The following TECRL variants were observed in gnomAD, a reference collection of about 807,000 sequenced individuals.
TECRL encodes trans-2,3-enoyl-CoA reductase-like.
Under a neutral mutation model 52.8 loss-of-function variants are expected in TECRL, and 63 were observed. The observed-to-expected ratio is 1.19, with a 90% CI of 0.97 to 1.47. The LOEUF is 1.47. TECRL is among the 40% of genes most tolerant of loss of function. The pLI is 0.00. For synonymous variants in TECRL, 164 were observed against 141.9 expected (o/e 1.16, Z -1.10); for missense variants, 482 against 429.6 (o/e 1.12, Z -1.08).
chr4:64,382,191 GTATATATATATA>G (rs200934355), intron 1 of TECRL, among the ~76,000 whole-genome samples: 737 of 13,284 alleles, frequency 0.055, 8 homozygotes, highest in Middle Eastern at 0.1. Flanking sequence ...GGAAATTTCT[GTATATATATATA>G]TATATATATA....
At chr4:64,292,269 C>G (rs1432315242) in intron 8 of TECRL, among the ~76,000 whole-genome samples, 1 of 151,914 alleles carries the variant, frequency 6.6e-6, no homozygotes, top group African/African-American at 2.4e-5. Flanking sequence ...ATTTGGCATA[C>G]AGTAAGTTTA....
rs1719174014 is a variant in TECRL at position 64,337,315 on chromosome 4, A to G, written c.287-8759T>C. Among the ~76,000 whole-genome samples, 4 of 152,300 alleles carry G rather than the reference A, an allele frequency of 2.6e-5. No homozygotes were observed. In the South Asian group the frequency reaches 8.3e-4, roughly 32 times the overall value. ...GCTATTTATGACAAACCCACAGCCA[A>G]TATCATACTAAATGGGCAAAAACTG... On this transcript the variant is annotated intron_variant, in intron 2 of 11. Transcript: ENST00000381210.
At chr4:64,291,233 T>G (rs2050337432) in intron 8 of TECRL, among the ~76,000 whole-genome samples, 1 of 152,070 alleles carries the variant, frequency 6.6e-6, no homozygotes, top group Non-Finnish European at 1.5e-5. Context: ...GCCTATTTGC[T>G]CAATAAAATT....
chr4:64,280,758 G>A (rs543107099), intron 11 of TECRL, among the ~76,000 whole-genome samples: 4 of 152,240 alleles, frequency 2.6e-5, no homozygotes, highest in Admixed American at 2.6e-4. Context: ...GAAGTTTCAA[G>A]CGAAATGCGT....
At chr4:64,377,570 A>G (rs1282737699) in intron 1 of TECRL, among the ~76,000 whole-genome samples, 1 of 152,086 alleles carries the variant, frequency 6.6e-6, no homozygotes, top group Non-Finnish European at 1.5e-5. Context: ...TATTCCCTTC[A>G]TTAATGTTTC....
intron 2 of TECRL, among the ~76,000 whole-genome samples, chr4:64,351,568 C>T (rs574977321): frequency 6.6e-6 from 1 of 152,146 alleles, no homozygotes; most frequent in Non-Finnish European, 1.5e-5. Flanking sequence ...TCACTGTGCC[C>T]AGCCAAAGGG....
chr4:64,363,746 G>C (rs2109625261), intron 2 of TECRL, among the ~76,000 whole-genome samples: 1 of 152,254 alleles, frequency 6.6e-6, no homozygotes, highest in Non-Finnish European at 1.5e-5. Flanking sequence ...TAAAGTGTGG[G>C]AGCTAAGAAT....
At chr4:64,388,668 C>A (rs1216935666) in intron 1 of TECRL, among the ~76,000 whole-genome samples, 3 of 151,838 alleles carry the variant, frequency 2.0e-5, no homozygotes, top group African/African-American at 7.2e-5. Context: ...TAAAGTATCT[C>A]TCCATATATT....
chr4:64,280,276 T>C (rs1577788778), intron 11 of TECRL, 77 bp from the exon 12 acceptor site: 1 of 1,135,892 alleles, frequency 8.8e-7, no homozygotes, highest in Non-Finnish European at 1.2e-6. Context: ...ATCCCTAGCA[T>C]GTTTAGCTTT....
At chr4:64,312,229 T>G (rs75566754) in intron 5 of TECRL, among the ~76,000 whole-genome samples, 3,546 of 152,272 alleles carry the variant, frequency 0.023, 53 homozygotes, top group Non-Finnish European at 0.037. Context: ...GATGTGGAAT[T>G]TAAGAATTCA....
rs757931409 is a variant in TECRL, at chr4:64,289,695, G to GA, written c.832+14dup. On this transcript the variant is annotated intron_variant, in intron 9 of 11. Transcript: ENST00000381210. ...TAATTCACTCTAAAGAAAAGAAAAAGAAAAAAGAACTAACCTGTGTGATTG... is the reference window on the plus strand; with the variant it reads ...TAATTCACTCTAAAGAAAAGAAAAAGAAAAAAAGAACTAACCTGTGTGATTG... The GA allele has an allele frequency of 2.3e-5, 35 of 1,508,320 alleles. No homozygotes were observed. The highest frequency in any genetic ancestry group is 1.1e-5 in the Non-Finnish European group (13 of 1,136,370). 93.4% of individuals were successfully genotyped at this position (1,508,320 alleles called of 1,614,324 possible).
At chr4:64,330,581 A>G (rs139648824) in intron 2 of TECRL, among the ~76,000 whole-genome samples, 2,058 of 152,200 alleles carry the variant, frequency 0.014, 18 homozygotes, top group Non-Finnish European at 0.021. Context: ...GACAGGAAGA[A>G]TACTTGACCC....
Position 64,279,753 on chromosome 4 carries a change from GA to G in TECRL, c.*318del, listed in dbSNP as rs1204258223. 3 of 843,374 alleles carry G rather than the reference GA, an allele frequency of 3.6e-6. No individual in the cohort carries two copies. In the African/African-American group the frequency reaches 1.5e-4, roughly 42 times the overall value. The allele number at this position is 843,374 out of a possible 1,614,324, so 52.2% of individuals were successfully genotyped here. A position where few individuals can be genotyped will look rare whatever the true frequency, so the allele number is the denominator to read the frequency against. On this transcript the variant is annotated 3_prime_UTR_variant, in exon 12 of 12. Coordinates refer to ENST00000381210, the MANE Select transcript of TECRL (RefSeq NM_001010874.5). ...AGATCGCTTTTTCATTTGTTAATCA[GA>G]TTTTTTTTTTTGCTGTGGTATTTTG...
rs112673232 is a variant in TECRL, at chr4:64,320,175, T to C, written c.435+2514A>G. Among the ~76,000 whole-genome samples, 1,350 of 152,000 alleles carry C rather than the reference T, an allele frequency of 8.9e-3. 18 individuals carry two copies. Among genetic ancestry groups the C allele is most frequent in the African/African-American group, 0.031 (1,284 of 41,546 alleles). ...GAATTGTTATATTTTCATATTAATC[T>C]TTTATCCTAAGTTTTTTAGTAAGTT... On this transcript the variant is annotated intron_variant, in intron 4 of 11. Coordinates refer to ENST00000381210, the MANE Select transcript of TECRL (RefSeq NM_001010874.5).
At chr4:64,298,384 G>C (rs1723807458) in intron 8 of TECRL, among the ~76,000 whole-genome samples, 1 of 151,092 alleles carries the variant, frequency 6.6e-6, no homozygotes, top group Non-Finnish European at 1.5e-5. Flanking sequence ...CGAAAAACCA[G>C]TAGCTTTATA....
At chr4:64,301,885 T>A (rs1724043321) in intron 7 of TECRL, among the ~76,000 whole-genome samples, 1 of 151,090 alleles carries the variant, frequency 6.6e-6, no homozygotes, top group African/African-American at 2.4e-5. Context: ...AAAAACAAAG[T>A]TATAGGTAGT....
chr4:64,382,466 A>T (rs1474353665), intron 1 of TECRL, among the ~76,000 whole-genome samples: 1 of 150,972 alleles, frequency 6.6e-6, no homozygotes, highest in Non-Finnish European at 1.5e-5. Context: ...TCATCATTAT[A>T]TAATGACCTT....
intron 1 of TECRL, among the ~76,000 whole-genome samples, chr4:64,378,824 A>C (rs868119197): frequency 5.0e-4 from 76 of 151,958 alleles, no homozygotes; most frequent in African/African-American, 1.6e-3. Context: ...AGATCATATA[A>C]ATTTTTCGCC....
At position 64,278,892 on chromosome 4, in the gene TECRL, T is replaced by C. The variant is rs1304766728; in HGVS notation, c.*1180A>G. On this transcript the variant is annotated 3_prime_UTR_variant, in exon 12 of 12. Coordinates refer to ENST00000381210, the MANE Select transcript of TECRL (RefSeq NM_001010874.5). ...CTTTCTGTTCCTGGCTTGTTTCACT[T>C]AACATATGCCCTCCAATTCCATCCA... 1 of 152,236 alleles carries C rather than the reference T, an allele frequency of 6.6e-6. No individual in the cohort carries two copies. The allele number at this position is 152,236 out of a possible 1,614,324, so 9.4% of individuals were successfully genotyped here. A position where few individuals can be genotyped will look rare whatever the true frequency, so the allele number is the denominator to read the frequency against.
Sources: gnomAD v4.1 joint callset for allele counts (sites outside exome capture counted in the v4.1 genomes callset) on GRCh38, gnomAD v4.1.1 for gene constraint, MANE v1.5 for transcripts, NCBI Gene and HGNC (gene_info 2026-07-23, HGNC 2026-07-21) for gene names.